Variants in ARHGAP24 observed in about 807,000 individuals in gnomAD.
ARHGAP24 encodes rho GTPase-activating protein 24.
ARHGAP24 carries 50 observed loss-of-function variants against 76.4 expected under a neutral mutation model. The observed-to-expected ratio is 0.65, with a 90% CI of 0.52 to 0.83. ARHGAP24 has a LOEUF of 0.83. Ranked by LOEUF, ARHGAP24 falls within the 40% of genes least tolerant of loss-of-function variation. The pLI is 0.00. For synonymous variants in ARHGAP24, 345 were observed against 323.3 expected, an observed-to-expected ratio of 1.07 and a Z score of -0.72; for missense variants, 930 against 914.2, an observed-to-expected ratio of 1.02 and a Z score of -0.22.
At chr4:85,885,033 T>C (rs1733479919) in intron 3 of ARHGAP24, among the ~76,000 whole-genome samples, 1 of 152,162 alleles carries the variant, frequency 6.6e-6, no homozygotes, top group Admixed American at 6.6e-5. Context: ...GGTCTGAAGT[T>C]ACCACGTAGA....
At chr4:85,616,515 G>T (rs908593723) in intron 2 of ARHGAP24, among the ~76,000 whole-genome samples, 42 of 151,926 alleles carry the variant, frequency 2.8e-4, no homozygotes, top group African/African-American at 9.7e-4. Flanking sequence ...TAAATTATGA[G>T]GTCTAGAAAA....
At chr4:85,878,260 A>G (rs1733046130) in intron 3 of ARHGAP24, among the ~76,000 whole-genome samples, 1 of 152,164 alleles carries the variant, frequency 6.6e-6, no homozygotes, top group African/African-American at 2.4e-5. Context: ...TTAAAGATCA[A>G]TTTGAATTAT....
chr4:85,786,191 A>G (rs1206537658), intron 3 of ARHGAP24, among the ~76,000 whole-genome samples: 1 of 152,240 alleles, frequency 6.6e-6, no homozygotes, highest in African/African-American at 2.4e-5. Flanking sequence ...AGAACTTATC[A>G]ATAATCACAT....
At chr4:85,560,961 C>T (rs1726573604) in intron 1 of ARHGAP24, among the ~76,000 whole-genome samples, 2 of 152,188 alleles carry the variant, frequency 1.3e-5, no homozygotes, top group African/African-American at 2.4e-5. Flanking sequence ...ATGTAGACCC[C>T]AAAGACTGAC....
intron 2 of ARHGAP24, among the ~76,000 whole-genome samples, chr4:85,707,852 C>G (rs1011643183): frequency 1.4e-4 from 21 of 152,120 alleles, no homozygotes; most frequent in Admixed American, 1.3e-3. Flanking sequence ...TCTGAGTACT[C>G]ACAACGCAGC....
intron 2 of ARHGAP24, among the ~76,000 whole-genome samples, chr4:85,667,633 C>T (rs902668079): frequency 3.3e-5 from 5 of 152,196 alleles, no homozygotes; most frequent in Admixed American, 6.5e-5. Flanking sequence ...TCCTATTCGG[C>T]CATCTTGGCT....
At chr4:85,780,436 T>C (rs113502642) in intron 3 of ARHGAP24, among the ~76,000 whole-genome samples, 12,395 of 152,302 alleles carry the variant, frequency 0.081, 721 homozygotes, top group Non-Finnish European at 0.13. Context: ...CCTCCCAAAG[T>C]GCTGGGATTA....
chr4:85,493,614 T>C (rs183213129), intron 1 of ARHGAP24, among the ~76,000 whole-genome samples: 28 of 152,312 alleles, frequency 1.8e-4, no homozygotes, highest in Admixed American at 6.5e-4. Context: ...ATCACCATCA[T>C]TTTTGAACAT....
intron 2 of ARHGAP24, among the ~76,000 whole-genome samples, chr4:85,649,506 A>G (rs1721854186): frequency 1.3e-5 from 2 of 152,042 alleles, no homozygotes; most frequent in South Asian, 4.1e-4. Flanking sequence ...ACGGCTTGAT[A>G]TTCTTCTTTG....
At chr4:85,727,591 C>T (rs1438708214) in intron 3 of ARHGAP24, among the ~76,000 whole-genome samples, 3 of 152,106 alleles carry the variant, frequency 2.0e-5, no homozygotes, top group Non-Finnish European at 2.9e-5. Context: ...CAACTGTCAA[C>T]GCTCTGGGAT....
intron 2 of ARHGAP24, among the ~76,000 whole-genome samples, chr4:85,620,449 A>G (rs1243647121): frequency 6.6e-6 from 1 of 151,774 alleles, no homozygotes; most frequent in African/African-American, 2.4e-5. Flanking sequence ...ATAATTGTTC[A>G]TAGTTGTCTT....
chr4:85,596,429 C>G (rs771675520), intron 2 of ARHGAP24, among the ~76,000 whole-genome samples: 87 of 151,928 alleles, frequency 5.7e-4, no homozygotes, highest in Non-Finnish European at 2.9e-4. Context: ...TTTGCTTTGT[C>G]TGCCATAAAA....
intron 2 of ARHGAP24, among the ~76,000 whole-genome samples, chr4:85,622,212 G>A (rs1429673374): frequency 2.6e-5 from 4 of 151,068 alleles, no homozygotes; most frequent in Non-Finnish European, 5.9e-5. Context: ...TTGTCATTTA[G>A]CATTAGGTAT....
intron 1 of ARHGAP24, among the ~76,000 whole-genome samples, chr4:85,554,014 A>G (rs892328415): frequency 1.3e-5 from 2 of 152,244 alleles, no homozygotes; most frequent in East Asian, 3.9e-4. Context: ...GTCCAGGGTT[A>G]ATGGATTCCA....
At chr4:85,890,668 A>G (rs891054390) in intron 3 of ARHGAP24, among the ~76,000 whole-genome samples, 1 of 152,194 alleles carries the variant, frequency 6.6e-6, no homozygotes, top group African/African-American at 2.4e-5. Flanking sequence ...AGAATAGCCT[A>G]TCTAGAAAAT....
At chr4:85,729,961 C>G (rs1054748032) in intron 3 of ARHGAP24, among the ~76,000 whole-genome samples, 2 of 152,160 alleles carry the variant, frequency 1.3e-5, no homozygotes, top group African/African-American at 2.4e-5. Context: ...TCACTAATCC[C>G]CACTGGTGCC....
rs373232732 is a variant in ARHGAP24 at position 85,504,327 on chromosome 4, TC to T, written c.-21+28771del. ...ATATCGACAGTGGGGTGTTAAAGTC[TC>T]CCATTATTATTGTGTGGGAGTCTAA... On this transcript the variant is annotated intron_variant, in intron 1 of 9. Coordinates refer to ENST00000395184, the MANE Select transcript of ARHGAP24 (RefSeq NM_001025616.3). Among the ~76,000 whole-genome samples, 101 of 152,286 alleles carry T rather than the reference TC, an allele frequency of 6.6e-4. No homozygotes were observed. The East Asian group carries it at 0.013, about 20-fold the overall frequency.
At chr4:85,626,633 A>T (rs988631923) in intron 2 of ARHGAP24, among the ~76,000 whole-genome samples, 1 of 152,144 alleles carries the variant, frequency 6.6e-6, no homozygotes, top group African/African-American at 2.4e-5. Context: ...GCCTTGCTAT[A>T]TTGGGGAAGT....
At chr4:85,668,020 T>C (rs1013324666) in intron 2 of ARHGAP24, among the ~76,000 whole-genome samples, 8 of 152,184 alleles carry the variant, frequency 5.3e-5, no homozygotes, top group African/African-American at 1.7e-4. Context: ...AAAAGTCTTG[T>C]AAATGTAGAA....
Sources: allele counts gnomAD v4.1 joint callset (sites outside exome capture counted in the v4.1 genomes callset), GRCh38; gene constraint gnomAD v4.1.1; transcripts MANE v1.5; gene names NCBI Gene and HGNC (gene_info 2026-07-23, HGNC 2026-07-21).